Variants in CSMD3 observed in about 807,000 individuals in gnomAD.
The protein encoded by CSMD3 is CUB and Sushi multiple domains 3.
A neutral mutation model predicts 435.2 loss-of-function variants in CSMD3; 177 were observed. That is an observed-to-expected ratio of 0.41 (90% CI 0.36 to 0.46). The LOEUF (loss-of-function observed/expected upper bound fraction) is 0.46, where lower values mean the gene tolerates loss of function less well. Among genes scored for constraint, CSMD3 ranks in the 20% least tolerant of loss-of-function variants. CSMD3 has a pLI of 0.34. For synonymous variants in CSMD3, 1,656 were observed against 1,520.5 expected (o/e 1.09, Z -2.07); for missense variants, 4,265 against 4,504.6 (o/e 0.95, Z 1.52).
chr8:112,542,070 G>T (rs1826715661), intron 27 of CSMD3, among the ~76,000 whole-genome samples: 1 of 151,480 alleles, frequency 6.6e-6, no homozygotes, highest in African/African-American at 2.4e-5. Flanking sequence ...TTCAGTAGAT[G>T]CAGAAAAAGC....
At chr8:112,616,108 T>C (rs1833642142) in intron 22 of CSMD3, among the ~76,000 whole-genome samples, 2 of 152,060 alleles carry the variant, frequency 1.3e-5, no homozygotes, top group South Asian at 4.1e-4. Context: ...CATCTAGGCT[T>C]TACCTATGTG....
rs555161249 is a variant in CSMD3, at chr8:113,149,019, C to T, written c.709+24703G>A. 6.6e-5 allele frequency among the ~76,000 whole-genome samples: 10 copies of T among 151,304 alleles called. No individual in the cohort carries two copies. The South Asian group carries it at 8.4e-4, about 13-fold the overall frequency. On this transcript the variant is annotated intron_variant, in intron 4 of 70. Transcript: ENST00000297405. ...AGAGACAAAATAAGTAAACAGTGTC[C>T]GGTTAAATATGTTGCAAAATCCTGA...
intron 45 of CSMD3, among the ~76,000 whole-genome samples, chr8:112,330,093 G>A (rs146725459): frequency 1.2e-4 from 18 of 152,222 alleles, no homozygotes; most frequent in Non-Finnish European, 1.5e-4. Context: ...GGGTCACACA[G>A]TTAAAGGCAA....
chr8:113,314,498 C>A, intron 2 of CSMD3, 73 bp downstream of exon 2: 1 of 853,398 alleles, frequency 1.2e-6, no homozygotes, highest in Non-Finnish European at 2.0e-6. Context: ...AAATGTTAAG[C>A]ATCTTTTGTA....
chr8:113,074,919 G>A (rs954227048), intron 5 of CSMD3, among the ~76,000 whole-genome samples: 8 of 151,632 alleles, frequency 5.3e-5, no homozygotes, highest in African/African-American at 1.2e-4. Flanking sequence ...ACATTATGTC[G>A]TATCCAGACA....
At chr8:112,306,288 G>A (rs1821416160) in intron 50 of CSMD3, 96 bp from the exon 51 acceptor site, 1 of 875,718 alleles carries the variant, frequency 1.1e-6, no homozygotes, top group Admixed American at 2.0e-5. Flanking sequence ...AAAACTAACG[G>A]GGATTTTTAT....
At chr8:113,244,505 G>A (rs546012202) in intron 3 of CSMD3, among the ~76,000 whole-genome samples, 15 of 152,040 alleles carry the variant, frequency 9.9e-5, no homozygotes, top group South Asian at 4.2e-4. Context: ...TAGTAGAGAC[G>A]GGGTTTCACC....
intron 1 of CSMD3, among the ~76,000 whole-genome samples, chr8:113,335,870 G>A (rs187824525): frequency 1.3e-4 from 20 of 151,546 alleles, no homozygotes; most frequent in African/African-American, 2.7e-4. Flanking sequence ...ACTTTTTTTC[G>A]TTAGTTTTCT....
At chr8:112,561,747 C>T (rs931034588) in intron 24 of CSMD3, among the ~76,000 whole-genome samples, 13 of 151,668 alleles carry the variant, frequency 8.6e-5, no homozygotes, top group Admixed American at 6.6e-4. Flanking sequence ...CATATCTATA[C>T]ATCAATGAGC....
intron 3 of CSMD3, among the ~76,000 whole-genome samples, chr8:113,222,827 T>C (rs1410093499): frequency 2.0e-5 from 3 of 151,118 alleles, no homozygotes; most frequent in Admixed American, 6.6e-5. Context: ...TTGACATACT[T>C]TCAAAGAAAT....
intron 21 of CSMD3, 23 bp downstream of exon 21, chr8:112,638,673 C>T (rs751545386): frequency 7.3e-7 from 1 of 1,362,372 alleles, no homozygotes; most frequent in South Asian, 1.2e-5. Flanking sequence ...CTGAATGAGC[C>T]CTTTTGTTTT....
intron 10 of CSMD3, among the ~76,000 whole-genome samples, chr8:112,878,309 T>C (rs2081347494): frequency 6.6e-6 from 1 of 152,040 alleles, no homozygotes; most frequent in Admixed American, 6.6e-5. Flanking sequence ...AACAAACATA[T>C]TGAAAAAAGC....
At chr8:113,167,784 T>C (rs2092182620) in intron 4 of CSMD3, among the ~76,000 whole-genome samples, 1 of 152,168 alleles carries the variant, frequency 6.6e-6, no homozygotes, top group Non-Finnish European at 1.5e-5. Context: ...GCTTGTTCTT[T>C]AAAAGACATG....
chr8:112,895,683 A>C (rs967937312), intron 10 of CSMD3, among the ~76,000 whole-genome samples: 1 of 151,370 alleles, frequency 6.6e-6, no homozygotes, highest in African/African-American at 2.4e-5. Flanking sequence ...ATATTTCAAG[A>C]AAAGGAGCAA....
intron 1 of CSMD3, among the ~76,000 whole-genome samples, chr8:113,327,664 C>G (rs2093993297): frequency 6.6e-6 from 1 of 152,058 alleles, no homozygotes; most frequent in African/African-American, 2.4e-5. Context: ...CGCTATTTAA[C>G]CTATCTTGCA....
intron 3 of CSMD3, among the ~76,000 whole-genome samples, chr8:113,270,338 A>G (rs1324356720): frequency 6.6e-6 from 1 of 150,422 alleles, no homozygotes; most frequent in Admixed American, 6.6e-5. Context: ...GGTGCTGGAG[A>G]TGATGTGAAG....
At chr8:112,937,453 C>T (rs539389369) in intron 9 of CSMD3, among the ~76,000 whole-genome samples, 5 of 150,764 alleles carry the variant, frequency 3.3e-5, no homozygotes, top group South Asian at 2.1e-4. Context: ...TGGGCTCAAG[C>T]GATTATCCTG....
intron 31 of CSMD3, among the ~76,000 whole-genome samples, chr8:112,482,333 A>G (rs1005971273): frequency 6.6e-6 from 1 of 152,232 alleles, no homozygotes; most frequent in African/African-American, 2.4e-5. Context: ...TAGACAGTTA[A>G]TGTATGATAC....
chr8:112,360,391 T>A (rs2131110896), intron 38 of CSMD3, among the ~76,000 whole-genome samples: 1 of 152,066 alleles, frequency 6.6e-6, no homozygotes, highest in Non-Finnish European at 1.5e-5. Context: ...TAAACAAGAT[T>A]TTACATAATA....
Sources: gnomAD v4.1 joint callset for allele counts (sites outside exome capture counted in the v4.1 genomes callset) on GRCh38, gnomAD v4.1.1 for gene constraint, MANE v1.5 for transcripts, NCBI Gene and HGNC (gene_info 2026-07-23, HGNC 2026-07-21) for gene names.